Variants in BMPER observed in about 807,000 individuals in gnomAD.
The protein encoded by BMPER is BMP-binding endothelial regulator protein.
Under a neutral mutation model 87.3 loss-of-function variants are expected in BMPER, and 45 were observed. The observed-to-expected ratio is 0.52, with a 90% confidence interval of 0.41 to 0.66. The LOEUF (loss-of-function observed/expected upper bound fraction) is 0.66. Among genes scored for constraint, BMPER ranks in the 30% least tolerant of loss-of-function variants. BMPER has a pLI of 0.00. For synonymous variants in BMPER, 326 were observed against 316.2 expected, an observed-to-expected ratio of 1.03 and a Z score of -0.33; for missense variants, 784 against 867.5, an observed-to-expected ratio of 0.90 and a Z score of 1.21.
chr7:34,035,807 C>T (rs753990067), intron 6 of BMPER, among the ~76,000 whole-genome samples: 13 of 152,234 alleles, frequency 8.5e-5, no homozygotes, highest in Middle Eastern at 3.4e-3. Context: ...TTGGGACAAA[C>T]GATAAACCCA....
chr7:34,085,527 A>C (rs756096400), intron 12 of BMPER, among the ~76,000 whole-genome samples: 5 of 152,198 alleles, frequency 3.3e-5, no homozygotes, highest in Admixed American at 3.3e-4. Flanking sequence ...TTATCAGGAC[A>C]AACTTTATAC....
At chr7:34,034,237 T>C (rs1343469010) in intron 6 of BMPER, among the ~76,000 whole-genome samples, 1 of 152,204 alleles carries the variant, frequency 6.6e-6, no homozygotes, top group Non-Finnish European at 1.5e-5. Context: ...GGCCAAACAC[T>C]TCTTCTTTCT....
At chr7:34,115,486 A>G (rs1790094356) in intron 13 of BMPER, among the ~76,000 whole-genome samples, 1 of 152,212 alleles carries the variant, frequency 6.6e-6, no homozygotes, top group Non-Finnish European at 1.5e-5. Context: ...ATGCTTTAGT[A>G]ATCACTCTCC....
chr7:34,054,544 C>G (rs547708963), intron 8 of BMPER, among the ~76,000 whole-genome samples: 32 of 152,266 alleles, frequency 2.1e-4, no homozygotes, highest in Non-Finnish European at 4.0e-4. Flanking sequence ...CTTTAACTTA[C>G]AGATGATACA....
intron 13 of BMPER, among the ~76,000 whole-genome samples, chr7:34,128,287 C>T (rs2127990858): frequency 6.6e-6 from 1 of 152,222 alleles, no homozygotes; most frequent in Admixed American, 6.5e-5. Context: ...ACTTCCTATC[C>T]TCCATGCCAG....
At chr7:34,084,500 A>G (rs1789145733) in intron 12 of BMPER, among the ~76,000 whole-genome samples, 1 of 152,180 alleles carries the variant, frequency 6.6e-6, no homozygotes, top group Non-Finnish European at 1.5e-5. Context: ...TCACTAGTAC[A>G]AAGTTCACCC....
chr7:34,047,830 T>TCCTTCCTTCCTTCCTTCCTTCCTCC, intron 7 of BMPER, among the ~76,000 whole-genome samples: 1 of 64,710 alleles, frequency 1.5e-5, no homozygotes. Flanking sequence ...TTTCCTACTT[T>TCCTTCCTTCCTTCCTTCCTTCCTCC]CTTGCTTTCT....
intron 6 of BMPER, among the ~76,000 whole-genome samples, chr7:33,989,371 G>T (rs905359789): frequency 7.2e-5 from 11 of 151,912 alleles, no homozygotes; most frequent in Non-Finnish European, 1.3e-4. Flanking sequence ...GGCCAGTGAT[G>T]ATGAGCTTTT....
At chr7:34,042,701 G>T (rs749135025) in intron 6 of BMPER, 5 of 152,190 alleles carry the variant, frequency 3.3e-5, no homozygotes, top group Admixed American at 3.3e-4. Context: ...CTCATTCTGT[G>T]TGGTAGCTCT....
chr7:33,982,579 A>G (rs908114799), intron 6 of BMPER, among the ~76,000 whole-genome samples: 1 of 152,026 alleles, frequency 6.6e-6, no homozygotes, highest in Admixed American at 6.6e-5. Context: ...TTAGAAAAGT[A>G]GCTGGTGTTC....
intron 2 of BMPER, among the ~76,000 whole-genome samples, chr7:33,915,690 T>C (rs1424394740): frequency 6.6e-6 from 1 of 152,170 alleles, no homozygotes; most frequent in Non-Finnish European, 1.5e-5. Context: ...ACTGGGGTGA[T>C]GGGAATGGGT....
chr7:33,976,088 T>G (rs1459025842), intron 6 of BMPER, among the ~76,000 whole-genome samples: 2 of 152,170 alleles, frequency 1.3e-5, no homozygotes, highest in African/African-American at 2.4e-5. Context: ...AGCATGAGCT[T>G]GCATATTCCA....
intron 6 of BMPER, among the ~76,000 whole-genome samples, chr7:34,014,935 C>T (rs1302400147): frequency 6.6e-6 from 1 of 151,732 alleles, no homozygotes; most frequent in Non-Finnish European, 1.5e-5. Flanking sequence ...GTTTTGTTTT[C>T]TTACCTGTAA....
chr7:34,153,002 T>A (rs1032335436), intron 14 of BMPER, 90 bp from the exon 15 acceptor site: 17 of 1,423,704 alleles, frequency 1.2e-5, no homozygotes, highest in East Asian at 1.1e-4. Context: ...GTCCATGAAG[T>A]GTCATGAGCC....
intron 13 of BMPER, among the ~76,000 whole-genome samples, chr7:34,133,650 C>T (rs1790649146): frequency 6.6e-6 from 1 of 152,172 alleles, no homozygotes; most frequent in Non-Finnish European, 1.5e-5. Flanking sequence ...AGGCCACAAC[C>T]TGGGACTGTG....
intron 3 of BMPER, among the ~76,000 whole-genome samples, chr7:33,946,210 A>G (rs1426118671): frequency 6.6e-6 from 1 of 152,168 alleles, no homozygotes; most frequent in Admixed American, 6.5e-5. Context: ...GTGAGAACTC[A>G]CTATCATGAG....
At chr7:33,930,251 G>A (rs1562636620) in intron 2 of BMPER, among the ~76,000 whole-genome samples, 1 of 151,922 alleles carries the variant, frequency 6.6e-6, no homozygotes, top group Non-Finnish European at 1.5e-5. Flanking sequence ...CCAGAGCCTT[G>A]GACTTGTACA....
rs960642047 is a variant in BMPER at position 33,989,142 on chromosome 7, G to T, written c.576+14358G>T. Reference sequence around the variant, plus strand: ...TTGGGTATATACCCAGTAATGGGATGGCTGGGTCAAATGGTATTTCTAGTT... The same window carrying T: ...TTGGGTATATACCCAGTAATGGGATTGCTGGGTCAAATGGTATTTCTAGTT... On this transcript the variant is annotated intron_variant, in intron 6 of 14. Transcript: ENST00000649409. Among the ~76,000 whole-genome samples the T allele has an allele frequency of 2.6e-4, 35 of 134,348 alleles. 1 individual carries two copies. The highest frequency in any genetic ancestry group is 3.9e-4 in the Non-Finnish European group (25 of 64,066). The allele number at this position is 134,348 out of a possible 152,430, so 88.1% of individuals were successfully genotyped here.
At chr7:33,917,883 G>A (rs1203422551) in intron 2 of BMPER, among the ~76,000 whole-genome samples, 1 of 152,164 alleles carries the variant, frequency 6.6e-6, no homozygotes, top group African/African-American at 2.4e-5. Flanking sequence ...CTTTGGCTGT[G>A]GGTGACCTCA....
Sources: gnomAD v4.1 joint callset for allele counts (sites outside exome capture counted in the v4.1 genomes callset) on GRCh38, gnomAD v4.1.1 for gene constraint, MANE v1.5 for transcripts, NCBI Gene and HGNC (gene_info 2026-07-23, HGNC 2026-07-21) for gene names.